Variants in MICU3 observed in about 807,000 individuals in gnomAD.
MICU3 encodes mitochondrial calcium uptake 3.
MICU3 carries 62 observed loss-of-function variants against 66.5 expected under a neutral mutation model. That is an observed-to-expected ratio of 0.93 (90% confidence interval 0.76 to 1.15). The LOEUF is 1.15. Among genes scored for constraint, MICU3 ranks in the 50% most tolerant of loss-of-function variants. The pLI is 0.00. For missense variants in MICU3, 779 were observed against 664.4 expected, an observed-to-expected ratio of 1.17 and a Z score of -1.90; for synonymous variants, 308 against 240.7, an observed-to-expected ratio of 1.28 and a Z score of -2.59.
chr8:17,135,231 C>T, the MICU3 span, among the ~76,000 whole-genome samples: 3 of 151,950 alleles, frequency 2.0e-5, no homozygotes, highest in Non-Finnish European at 4.4e-5. Context: ...AAACCCCATC[C>T]CTACTAGAAA....
chr8:17,086,894 G>A (rs1485410108), intron 6 of MICU3, 70 bp from the exon 7 acceptor site: 10 of 964,680 alleles, frequency 1.0e-5, no homozygotes, highest in Non-Finnish European at 1.5e-5. Context: ...AATATACCTA[G>A]TCCAGAATAG....
chr8:17,081,965 T>A (rs1018887001), intron 5 of MICU3: 1 of 327,226 alleles, frequency 3.1e-6, no homozygotes, highest in African/African-American at 2.2e-5. Context: ...ATTATAAATT[T>A]AATATTACGT....
chr8:17,029,872 C>T (rs1811718326), intron 1 of MICU3, among the ~76,000 whole-genome samples: 1 of 152,082 alleles, frequency 6.6e-6, no homozygotes. Context: ...TCTGGAAATG[C>T]TGTTTCTTTG....
chr8:17,029,557 C>T (rs1370165816), intron 1 of MICU3, among the ~76,000 whole-genome samples: 2 of 152,014 alleles, frequency 1.3e-5, no homozygotes, highest in Non-Finnish European at 2.9e-5. Context: ...ATAAAAATTT[C>T]TGTTCATTGT....
intron 1 of MICU3, among the ~76,000 whole-genome samples, chr8:17,059,710 T>C (rs1817530622): frequency 6.6e-6 from 1 of 152,114 alleles, no homozygotes; most frequent in Admixed American, 6.5e-5. Context: ...ACTGAAAGTG[T>C]AATAGAATAA....
At chr8:17,055,948 T>A (rs990196577) in intron 1 of MICU3, among the ~76,000 whole-genome samples, 2 of 152,216 alleles carry the variant, frequency 1.3e-5, no homozygotes, top group African/African-American at 4.8e-5. Flanking sequence ...TAGACATGTC[T>A]CTTAAGTCCT....
chr8:17,111,863 G>C (rs1802231483), intron 11 of MICU3, among the ~76,000 whole-genome samples: 1 of 152,170 alleles, frequency 6.6e-6, no homozygotes, highest in Non-Finnish European at 1.5e-5. Flanking sequence ...AATTTATAAA[G>C]GAAAGAGGTT....
At chr8:17,082,589 A>G (rs1206945980) in intron 5 of MICU3, among the ~76,000 whole-genome samples, 4 of 152,162 alleles carry the variant, frequency 2.6e-5, no homozygotes, top group Non-Finnish European at 5.9e-5. Context: ...CTCTGTATCA[A>G]GAACAGTGTC....
chr8:17,100,704 A>C (rs1385886358), intron 9 of MICU3, among the ~76,000 whole-genome samples: 1 of 151,738 alleles, frequency 6.6e-6, no homozygotes, highest in Non-Finnish European at 1.5e-5. Context: ...AGCTGTTTCT[A>C]ACCATAGATT....
Position 17,064,237 on chromosome 8 carries a change from G to T in MICU3, c.535G>T (p.Val179Phe). 1 of 1,603,042 alleles carries T rather than the reference G, an allele frequency of 6.2e-7. No individual in the cohort carries two copies. Among genetic ancestry groups the T allele is most frequent in the Non-Finnish European group, 8.5e-7 (1 of 1,175,424 alleles). Reference sequence around the variant, plus strand: ...GGCTGTTACAACAGATGAGCCCAAAGGTAAGTACACTTTTGAAATTATCTT... The same window carrying T: ...GGCTGTTACAACAGATGAGCCCAAATGTAAGTACACTTTTGAAATTATCTT... ...ILAVTTDEPK[V>F]AKTWKSLSKQ... is the part of the protein sequence containing the mutation. Residue 179 changes from valine (V) to phenylalanine (F), a missense_variant and splice_region_variant, in exon 2 of 15, where the codon GTT (valine) becomes TTT (phenylalanine). Physicochemically the swap from Val to Phe is conservative, Grantham distance 50. Transcript: ENST00000318063.
intron 1 of MICU3, among the ~76,000 whole-genome samples, chr8:17,045,944 CAT>C (rs1309832602): frequency 3.3e-5 from 5 of 152,186 alleles, no homozygotes; most frequent in South Asian, 2.1e-4. Flanking sequence ...CCTCCCGTGA[CAT>C]GTGGGAATTA....
the MICU3 span, among the ~76,000 whole-genome samples, chr8:17,138,345 GA>G: frequency 6.6e-6 from 1 of 152,004 alleles, no homozygotes; most frequent in Non-Finnish European, 1.5e-5. Context: ...AGCTGTTTCG[GA>G]AAAAAAGAAA....
At chr8:17,064,711 C>G (rs1398805865) in intron 2 of MICU3, among the ~76,000 whole-genome samples, 1 of 152,094 alleles carries the variant, frequency 6.6e-6, no homozygotes, top group Non-Finnish European at 1.5e-5. Context: ...TTGCAAATCT[C>G]TTAATATCTA....
intron 11 of MICU3, among the ~76,000 whole-genome samples, chr8:17,108,197 T>G (rs938618485): frequency 3.9e-5 from 6 of 152,166 alleles, no homozygotes; most frequent in African/African-American, 1.2e-4. Flanking sequence ...ATCAAGAGTT[T>G]TATTAGGAAC....
intron 7 of MICU3, 45 bp from the exon 8 acceptor site, chr8:17,090,501 T>C: frequency 1.3e-6 from 2 of 1,572,320 alleles, no homozygotes; most frequent in Non-Finnish European, 1.7e-6. Flanking sequence ...CTTGGGTTCA[T>C]TCTGAAATAT....
At chr8:17,040,909 TTGGG>T (rs1563277917) in intron 1 of MICU3, among the ~76,000 whole-genome samples, 1 of 152,034 alleles carries the variant, frequency 6.6e-6, no homozygotes. Flanking sequence ...TCTTGGGCAA[TTGGG>T]TGGATTTGCT....
At chr8:17,035,938 C>A (rs1253950984) in intron 1 of MICU3, among the ~76,000 whole-genome samples, 1 of 152,176 alleles carries the variant, frequency 6.6e-6, no homozygotes, top group African/African-American at 2.4e-5. Context: ...CCACCCACCA[C>A]AGACCTGGAA....
At chr8:17,137,503 C>A in the MICU3 span, among the ~76,000 whole-genome samples, 1 of 138,984 alleles carries the variant, frequency 7.2e-6, no homozygotes, top group Non-Finnish European at 1.5e-5. Flanking sequence ...TTAAACCACA[C>A]TATTTCCTGC....
intron 1 of MICU3, among the ~76,000 whole-genome samples, chr8:17,036,272 A>T (rs1219117077): frequency 2.6e-5 from 4 of 152,070 alleles, no homozygotes; most frequent in African/African-American, 9.7e-5. Flanking sequence ...CTCAGGAGTG[A>T]AGCTGCAGAT....
Sources: allele counts gnomAD v4.1 joint callset (sites outside exome capture counted in the v4.1 genomes callset), GRCh38; gene constraint gnomAD v4.1.1; transcripts MANE v1.5; gene names NCBI Gene and HGNC (gene_info 2026-07-23, HGNC 2026-07-21).